VPS8: variants seen among roughly 807,000 people sequenced by gnomAD.
VPS8 encodes the protein VPS8 subunit of CORVET complex.
Under a neutral mutation model 216.4 loss-of-function variants are expected in VPS8, and 129 were observed. The ratio of observed to expected loss-of-function variants is 0.60; its 90% CI spans 0.52 to 0.69. The LOEUF (loss-of-function observed/expected upper bound fraction) is 0.69. VPS8 is among the 30% of genes least tolerant of loss of function. The pLI, the probability that VPS8 is intolerant of heterozygous loss-of-function variation, is 0.00. For synonymous variants in VPS8, 571 were observed against 565.4 expected (o/e 1.01, Z -0.14); for missense variants, 1,531 against 1,683.5 (o/e 0.91, Z 1.59).
intron 45 of VPS8, among the ~76,000 whole-genome samples, chr3:185,009,170 G>T (rs1754652190): frequency 6.6e-6 from 1 of 152,118 alleles, no homozygotes; most frequent in African/African-American, 2.4e-5. Flanking sequence ...CAGACAAAGA[G>T]AACTAAGGAT....
At chr3:184,875,822 CAAA>C (rs59957370) in intron 21 of VPS8, among the ~76,000 whole-genome samples, 1 of 72,542 alleles carries the variant, frequency 1.4e-5, no homozygotes. Flanking sequence ...CTTGTCTCTA[CAAA>C]AAAAAAAAAA....
rs754786479 is a variant in VPS8, at chr3:184,853,816, C to T, written c.822-41C>T. The stretch of plus-strand genomic sequence containing the variant: ...AGGTAGAGATAGTAGTGCCTTGGAT[C>T]ATTGCTAAATTGATTCTGAATTTTC... On this transcript the variant is annotated intron_variant, in intron 11 of 47. Coordinates refer to ENST00000625842, the MANE Select transcript of VPS8 (RefSeq NM_001009921.3). 12 of 1,549,448 alleles carry T rather than the reference C, an allele frequency of 7.7e-6. No individual in the cohort carries two copies. In the South Asian group the frequency reaches 1.4e-4, roughly 18 times the overall value.
chr3:185,015,744 C>T (rs963598823), intron 45 of VPS8, among the ~76,000 whole-genome samples: 1 of 152,202 alleles, frequency 6.6e-6, no homozygotes, highest in Admixed American at 6.5e-5. Context: ...TAAAAGCTTG[C>T]TGTATTTCTG....
chr3:184,817,254 TAGGGAGGG>T (rs568654066), intron 1 of VPS8: 1 of 137,308 alleles, frequency 7.3e-6, no homozygotes, highest in Non-Finnish European at 1.5e-5. Context: ...GGTATTTACC[TAGGGAGGG>T]AGGGAGGGAG....
At chr3:184,857,678 T>C (rs541181298) in intron 14 of VPS8, among the ~76,000 whole-genome samples, 3 of 152,358 alleles carry the variant, frequency 2.0e-5, no homozygotes, top group African/African-American at 7.2e-5. Flanking sequence ...TTTATGACTT[T>C]AATTACTTAG....
chr3:185,016,758 G>A (rs1755859014), intron 45 of VPS8, among the ~76,000 whole-genome samples: 2 of 152,228 alleles, frequency 1.3e-5, no homozygotes, highest in South Asian at 4.1e-4. Flanking sequence ...ACAAAAACTG[G>A]AGAATTCCAA....
At chr3:185,036,228 G>A (rs375750094) in intron 46 of VPS8, among the ~76,000 whole-genome samples, 11 of 152,076 alleles carry the variant, frequency 7.2e-5, no homozygotes, top group African/African-American at 2.2e-4. Context: ...TCAAACTACC[G>A]ACATAATTCT....
At chr3:184,929,526 T>C in intron 32 of VPS8, 54 bp from the exon 33 acceptor site, 1 of 1,034,118 alleles carries the variant, frequency 9.7e-7, no homozygotes, top group Non-Finnish European at 1.5e-6. Flanking sequence ...CCAGAGCAAA[T>C]GTCTCAAAAA....
At chr3:184,823,618 G>T (rs923927445) in intron 1 of VPS8, among the ~76,000 whole-genome samples, 4 of 152,084 alleles carry the variant, frequency 2.6e-5, no homozygotes, top group African/African-American at 9.7e-5. Context: ...TTAGGGCATT[G>T]TTTCTGTTTT....
chr3:184,913,393 G>A, intron 25 of VPS8, 126 bp from the exon 26 acceptor site: 1 of 753,988 alleles, frequency 1.3e-6, no homozygotes, highest in Admixed American at 3.0e-5. Flanking sequence ...TTAACTTCCT[G>A]TTATTTGGGA....
At position 185,042,598 on chromosome 3, in the gene VPS8, G is replaced by A. The variant is rs142752713; in HGVS notation, c.4057-5881G>A. On this transcript the variant is annotated intron_variant, in intron 46 of 47. Coordinates refer to ENST00000625842, the MANE Select transcript of VPS8 (RefSeq NM_001009921.3). The stretch of plus-strand genomic sequence containing the variant: ...AGGAAAATACCTCCGTTACATTGTG[G>A]GTGGCAGCATCCGGCAGTGATTTTT... Among the ~76,000 whole-genome samples the A allele has an allele frequency of 3.6e-3, 541 of 152,220 alleles. 3 individuals are homozygous for A. Among genetic ancestry groups the A allele is most frequent in the African/African-American group, 0.012 (494 of 41,534 alleles).
At chr3:184,875,369 T>C (rs945330160) in intron 21 of VPS8, among the ~76,000 whole-genome samples, 2 of 152,164 alleles carry the variant, frequency 1.3e-5, no homozygotes, top group African/African-American at 4.8e-5. Flanking sequence ...GTCTTAGTTA[T>C]AGAAAATAAC....
chr3:184,911,986 G>C (rs936563112), intron 25 of VPS8, among the ~76,000 whole-genome samples: 1 of 152,112 alleles, frequency 6.6e-6, no homozygotes, highest in South Asian at 2.1e-4. Flanking sequence ...TTAGAGCCCC[G>C]CACCTGGTAC....
intron 36 of VPS8, among the ~76,000 whole-genome samples, chr3:184,946,523 A>G (rs1313470357): frequency 6.6e-6 from 1 of 152,196 alleles, no homozygotes; most frequent in African/African-American, 2.4e-5. Flanking sequence ...GCAGATAATG[A>G]TAATGTTCTC....
intron 45 of VPS8, among the ~76,000 whole-genome samples, chr3:185,001,130 T>C (rs1356321366): frequency 6.6e-6 from 1 of 152,226 alleles, no homozygotes; most frequent in African/African-American, 2.4e-5. Context: ...TTTCAGAGTA[T>C]ACAGTCAACA....
chr3:184,923,497 C>T (rs1739027666), intron 29 of VPS8, among the ~76,000 whole-genome samples: 1 of 152,090 alleles, frequency 6.6e-6, no homozygotes, highest in Admixed American at 6.6e-5. Flanking sequence ...GCTCTCCCTG[C>T]CTTCTGTTTC....
intron 46 of VPS8, among the ~76,000 whole-genome samples, chr3:185,045,922 C>T (rs1712790053): frequency 6.6e-6 from 1 of 152,212 alleles, no homozygotes; most frequent in Non-Finnish European, 1.5e-5. Context: ...ACCCCTCTCC[C>T]TGGGGCTCTC....
At chr3:184,987,485 G>A (rs1491002193) in intron 42 of VPS8, among the ~76,000 whole-genome samples, 4 of 152,078 alleles carry the variant, frequency 2.6e-5, no homozygotes, top group Non-Finnish European at 5.9e-5. Flanking sequence ...ATCATAGAGT[G>A]CGTAGTCTTT....
intron 45 of VPS8, among the ~76,000 whole-genome samples, chr3:185,001,964 G>GAAT (rs1311309558): frequency 1.8e-3 from 270 of 152,296 alleles, no homozygotes; most frequent in African/African-American, 6.1e-3. Flanking sequence ...AAATAGACAT[G>GAAT]AGGGATCATG....
Sources: allele counts gnomAD v4.1 joint callset (sites outside exome capture counted in the v4.1 genomes callset), GRCh38; gene constraint gnomAD v4.1.1; transcripts MANE v1.5; gene names NCBI Gene and HGNC (gene_info 2026-07-23, HGNC 2026-07-21).